The following LAS1L variants were observed in gnomAD, a reference collection of about 807,000 sequenced individuals.
LAS1L encodes ribosomal biogenesis protein LAS1L.
In LAS1L, 5 loss-of-function variants were observed where a neutral mutation model predicts 57.3. The ratio of observed to expected loss-of-function variants is 0.09; its 90% CI spans 0.05 to 0.18. The LOEUF (loss-of-function observed/expected upper bound fraction) is 0.18. Among genes scored for constraint, LAS1L ranks in the 10% least tolerant of loss-of-function variants. The probability of loss-of-function intolerance (pLI) is 1.00; values close to 1 mark genes in which losing one functional copy is unlikely to be tolerated. For synonymous variants in LAS1L, 245 were observed against 231.7 expected (o/e 1.06, Z -0.52); for missense variants, 360 against 568.3 (o/e 0.63, Z 3.73).
intron 11 of LAS1L, chrX:65,520,888 TC>T: frequency 1.3e-5 from 10 of 753,636 alleles, no homozygotes; most frequent in Non-Finnish European, 1.6e-5. Flanking sequence ...ACTCCCTCCC[TC>T]CCATTATATA....
At chrX:65,514,701 C>G in intron 13 of LAS1L, 122 bp downstream of exon 13, 2 of 672,647 alleles carry the variant, frequency 3.0e-6, no homozygotes, top group Non-Finnish European at 4.3e-6. Context: ...GGGGCTTACA[C>G]TTCACTCATT....
chrX:65,512,655 A>G lies in LAS1L; in HGVS notation c.*120T>C. On this transcript the variant is annotated 3_prime_UTR_variant, in exon 14 of 14. Coordinates refer to ENST00000374811, the MANE Select transcript of LAS1L (RefSeq NM_031206.7). ...ATTCAAAATTCCCCTGTGGTGGACA[A>G]CTGAGTTGATGTGGCTGATCCAGGC... 1 of 828,522 alleles carries G rather than the reference A, an allele frequency of 1.2e-6. No homozygotes were observed. Among genetic ancestry groups the G allele is most frequent in the Admixed American group, 3.8e-5 (1 of 26,204 alleles). 68.3% of individuals were successfully genotyped at this position (828,522 alleles called of 1,213,427 possible).
rs771629684 is a variant in LAS1L at position 65,531,342 on chromosome X, CCT to C, written c.514+13_514+14del. On this transcript the variant is annotated intron_variant, in intron 4 of 13. Coordinates refer to ENST00000374811, the MANE Select transcript of LAS1L (RefSeq NM_031206.7). ...CTGGGCTTAACTGTGATAGGTATAACCTCTGAGGACTCACCTCTGCGGCAGTC... is the reference window on the plus strand; with the variant it reads ...CTGGGCTTAACTGTGATAGGTATAACCTGAGGACTCACCTCTGCGGCAGTC... 6 of 1,175,992 alleles carry C rather than the reference CCT, an allele frequency of 5.1e-6. No individual in the cohort carries two copies. In the Admixed American group the frequency reaches 1.3e-4, roughly 26 times the overall value.
At chrX:65,528,467 CTGCAGGGGACAGGGCAGGGCA>C (rs1192202976) in intron 6 of LAS1L, 98 bp from the exon 7 acceptor site, 11 of 503,216 alleles carry the variant, frequency 2.2e-5, no homozygotes, top group Non-Finnish European at 3.1e-5. Flanking sequence ...CAGCACTGCC[CTGCAGGGGACAGGGCAGGGCA>C]TGCAGGGGGG....
chrX:65,519,206 G>A (rs1339154350), intron 11 of LAS1L, among the ~76,000 whole-genome samples: 8 of 111,684 alleles, frequency 7.2e-5, no homozygotes, highest in African/African-American at 2.6e-4. Flanking sequence ...CGGTGCTGCT[G>A]CGTGCAGTGA....
intron 7 of LAS1L, among the ~76,000 whole-genome samples, 200 bp from the exon 8 acceptor site, chrX:65,525,250 C>T (rs1227583373): frequency 8.9e-6 from 1 of 111,848 alleles, no homozygotes; most frequent in East Asian, 2.8e-4. Flanking sequence ...CAGGCAGGGG[C>T]TGGTTAGAGG....
intron 11 of LAS1L, among the ~76,000 whole-genome samples, chrX:65,519,237 G>A (rs1198756099): frequency 2.7e-5 from 3 of 111,812 alleles, no homozygotes; most frequent in Non-Finnish European, 5.7e-5. Flanking sequence ...TAGAGGGCAC[G>A]GCCTGTGCTG....
At chrX:65,523,363 G>C (rs917388899) in intron 11 of LAS1L, 197 bp downstream of exon 11, 7 of 382,321 alleles carry the variant, frequency 1.8e-5, no homozygotes, top group South Asian at 7.3e-5. Flanking sequence ...AGTTCAGTCA[G>C]GTCTTAAGCT....
intron 11 of LAS1L, 63 bp from the exon 12 acceptor site, chrX:65,518,528 A>G: frequency 8.9e-7 from 1 of 1,121,904 alleles, no homozygotes; most frequent in East Asian, 3.1e-5. Context: ...ATACCCCAAC[A>G]CTCCAGGGTT....
At chrX:65,513,022 G>C in intron 13 of LAS1L, 121 bp from the exon 14 acceptor site, 1 of 756,018 alleles carries the variant, frequency 1.3e-6, no homozygotes, top group South Asian at 3.4e-5. Context: ...GCTTTACAAA[G>C]AGACTGGAGC....
intron 4 of LAS1L, among the ~76,000 whole-genome samples, chrX:65,530,724 G>C (rs1271042366): frequency 9.3e-6 from 1 of 107,829 alleles, no homozygotes; most frequent in African/African-American, 3.4e-5. Flanking sequence ...GGAGACAGGA[G>C]AATCACTTGA....
At chrX:65,533,880 G>A in intron 1 of LAS1L, 145 bp from the exon 2 acceptor site, 1 of 617,765 alleles carries the variant, frequency 1.6e-6, no homozygotes. Context: ...GGTGGGAGGA[G>A]ACACGGTAAT....
chrX:65,534,435 A>G, intron 1 of LAS1L, 45 bp downstream of exon 1: 1 of 990,401 alleles, frequency 1.0e-6, no homozygotes, highest in Non-Finnish European at 1.4e-6. Flanking sequence ...GAAGAGGTGC[A>G]GCGCCACCAG....
At chrX:65,524,456 A>G in intron 9 of LAS1L, 108 bp downstream of exon 9, 2 of 498,279 alleles carry the variant, frequency 4.0e-6, no homozygotes, top group Non-Finnish European at 7.3e-6. Context: ...AGAGCAGAAC[A>G]GTGGGGAGAG....
chrX:65,529,180 G>A, intron 6 of LAS1L, 32 bp downstream of exon 6: 3 of 1,148,990 alleles, frequency 2.6e-6, no homozygotes, highest in Non-Finnish European at 2.4e-6. Context: ...TGGGGCAGAT[G>A]AGAGCACACC....
chrX:65,531,207 T>C (rs1331170202), intron 4 of LAS1L, 150 bp downstream of exon 4: 1 of 350,226 alleles, frequency 2.9e-6, no homozygotes, highest in Non-Finnish European at 5.1e-6. Flanking sequence ...CCACTTTAAA[T>C]GTTGTGCCCA....
At position 65,523,563 on chromosome X, in the gene LAS1L, C is replaced by T. The variant is rs768581652; in HGVS notation, c.1445G>A (p.Arg482Gln). The stretch of plus-strand genomic sequence containing the variant: ...GGATGGAATTCAAGAGACTTACATC[C>T]GAAGGAGTTGGGGGCTGGCCCAGCA... Reference protein sequence around the residue: ...SPCWASPQLLRIIFKAMGQGL... With the variant: ...SPCWASPQLLQIIFKAMGQGL... The change falls in exon 11 of 14, where the codon CGG (arginine) becomes CAG (glutamine). Residue 482 changes from arginine (R) to glutamine (Q), a missense_variant. This residue lies in a region of LAS1L where 81 missense variants were observed against 192.1 expected (regional missense o/e 0.42). Transcript: ENST00000374811. 7.7e-6 allele frequency: 9 copies of T among 1,175,740 alleles called. No homozygotes were observed. The highest frequency in any genetic ancestry group is 1.0e-5 in the Non-Finnish European group (9 of 878,536).
chrX:65,531,343 C>T lies in LAS1L; in HGVS notation c.514+14G>A, dbSNP rs2069484253. The T allele has an allele frequency of 8.5e-7, 1 of 1,176,840 alleles. No homozygotes were observed. Among genetic ancestry groups the T allele is most frequent in the Admixed American group, 2.2e-5 (1 of 45,608 alleles). ...TGGGCTTAACTGTGATAGGTATAAC[C>T]TCTGAGGACTCACCTCTGCGGCAGT... On this transcript the variant is annotated intron_variant, in intron 4 of 13. Coordinates refer to ENST00000374811, the MANE Select transcript of LAS1L (RefSeq NM_031206.7).
intron 13 of LAS1L, among the ~76,000 whole-genome samples, chrX:65,513,705 G>A (rs767342801): frequency 3.1e-4 from 35 of 112,481 alleles, no homozygotes; most frequent in African/African-American, 1.0e-3. Context: ...CAAAGGAAAC[G>A]TCCCTACTAC....
Sources: allele counts gnomAD v4.1 joint callset (sites outside exome capture counted in the v4.1 genomes callset), GRCh38; gene constraint gnomAD v4.1.1; regional missense constraint gnomAD v4.1.1; transcripts MANE v1.5; gene names NCBI Gene and HGNC (gene_info 2026-07-23, HGNC 2026-07-21).